Variants in DOCK4 observed in about 807,000 individuals in gnomAD.
DOCK4 encodes the protein dedicator of cytokinesis 4, also known as dedicator of cytokinesis protein 4.
DOCK4 carries 97 observed loss-of-function variants against 268.1 expected under a neutral mutation model. That is an observed-to-expected ratio of 0.36 (90% CI 0.31 to 0.43). DOCK4 has a LOEUF of 0.43. Ranked by LOEUF, DOCK4 falls within the 20% of genes least tolerant of loss-of-function variation. DOCK4 has a pLI of 1.00. For synonymous variants in DOCK4, 954 were observed against 887.2 expected, an observed-to-expected ratio of 1.08 and a Z score of -1.34; for missense variants, 2,145 against 2,455.7, an observed-to-expected ratio of 0.87 and a Z score of 2.67.
intron 1 of DOCK4, among the ~76,000 whole-genome samples, chr7:112,111,528 T>C (rs1197436199): frequency 6.6e-6 from 1 of 152,028 alleles, no homozygotes; most frequent in East Asian, 1.9e-4. Flanking sequence ...TCTTTTGTTA[T>C]CTTGCCATTT....
chr7:111,875,498 G>T (rs1806778919), intron 17 of DOCK4, among the ~76,000 whole-genome samples: 2 of 152,116 alleles, frequency 1.3e-5, no homozygotes, highest in South Asian at 4.1e-4. Context: ...GAATTAGGAG[G>T]GATTATGTTT....
At chr7:111,863,125 AGT>A in intron 23 of DOCK4, 1 of 469,920 alleles carries the variant, frequency 2.1e-6, no homozygotes, top group Non-Finnish European at 3.8e-6. Context: ...TCTCTGAAGG[AGT>A]GTTAAATCCC....
chr7:111,873,435 C>A (rs183313240), intron 17 of DOCK4, among the ~76,000 whole-genome samples: 3 of 152,314 alleles, frequency 2.0e-5, no homozygotes, highest in Non-Finnish European at 2.9e-5. Flanking sequence ...GTGCCGAGCA[C>A]GCGCAGGGCA....
chr7:111,863,443 T>C lies in DOCK4; in HGVS notation c.2402A>G (p.Asp801Gly), dbSNP rs747921417. The C allele has an allele frequency of 8.7e-6, 14 of 1,613,926 alleles. No homozygotes were observed. In the South Asian group the frequency reaches 1.4e-4, roughly 16 times the overall value. ...LGSLPTILHV[D>G]DSLQAIKLQC... ...CAGTTTGATGGCCTGCAGGGAATCA[T>C]CCACATGCAGGATGGTCGGCAGACT... The change falls in exon 23 of 53, where the codon GAT becomes GGT. Residue 801 changes from aspartate to glycine, a missense_variant. Asp to Gly is a moderately conservative substitution (Grantham distance 94). This residue lies in a region of DOCK4 where 1,598 missense variants were observed against 1,986.7 expected (regional missense o/e 0.80). Coordinates refer to ENST00000428084, the MANE Select transcript of DOCK4 (RefSeq NM_001363540.2).
intron 17 of DOCK4, among the ~76,000 whole-genome samples, chr7:111,872,769 A>G (rs1037277341): frequency 6.6e-6 from 1 of 152,104 alleles, no homozygotes; most frequent in Non-Finnish European, 1.5e-5. Flanking sequence ...ACTGCTCTTG[A>G]CTTACAAACT....
intron 1 of DOCK4, 117 bp downstream of exon 1, chr7:112,205,985 G>A: frequency 6.0e-6 from 7 of 1,170,210 alleles, no homozygotes; most frequent in Admixed American, 2.0e-5. Context: ...CCAGCTGCGC[G>A]ATGCCAGGAT....
intron 1 of DOCK4, among the ~76,000 whole-genome samples, chr7:112,186,430 C>T (rs889330584): frequency 2.0e-5 from 3 of 152,150 alleles, no homozygotes; most frequent in African/African-American, 7.2e-5. Context: ...GGTTCTAGAA[C>T]ATTTCTGTTC....
chr7:111,901,812 A>G lies in DOCK4; in HGVS notation c.1193-11T>C, dbSNP rs1725733101. 1 of 1,531,022 alleles carries G rather than the reference A, an allele frequency of 6.5e-7. No individual in the cohort carries two copies. The highest frequency in any genetic ancestry group is 8.9e-7 in the Non-Finnish European group (1 of 1,118,964). 94.8% of individuals were successfully genotyped at this position (1,531,022 alleles called of 1,614,324 possible). A position where few individuals can be genotyped will look rare whatever the true frequency, so the allele number is the denominator to read the frequency against. On this transcript the variant is annotated splice_polypyrimidine_tract_variant and intron_variant, in intron 13 of 52. Transcript: ENST00000428084. ...CATTCCTCATTTCACCTATAAGGAA[A>G]GGAAAATTAAAACCATGTTATATAT...
intron 8 of DOCK4, among the ~76,000 whole-genome samples, chr7:111,947,469 T>C (rs970414377): frequency 6.6e-6 from 1 of 152,188 alleles, no homozygotes; most frequent in African/African-American, 2.4e-5. Context: ...TTATTACCTA[T>C]ATTTTTTCCC....
chr7:111,821,702 T>C (rs1052661496), intron 27 of DOCK4: 50 of 152,370 alleles, frequency 3.3e-4, no homozygotes, highest in African/African-American at 1.2e-3. Context: ...GTTCTGAAGT[T>C]TCCTCGGGGC....
At chr7:111,834,265 A>G (rs1427174095) in intron 26 of DOCK4, among the ~76,000 whole-genome samples, 1 of 152,194 alleles carries the variant, frequency 6.6e-6, no homozygotes, top group African/African-American at 2.4e-5. Flanking sequence ...TATTAAGGCA[A>G]TGTTTCTAGG....
chr7:112,165,297 C>T (rs1817490534), intron 1 of DOCK4, among the ~76,000 whole-genome samples: 1 of 152,092 alleles, frequency 6.6e-6, no homozygotes, highest in East Asian at 1.9e-4. Flanking sequence ...ACCTACTTCT[C>T]TGCATCCTCC....
chr7:112,137,473 A>T (rs1043019446), intron 1 of DOCK4, among the ~76,000 whole-genome samples: 1 of 152,170 alleles, frequency 6.6e-6, no homozygotes. Flanking sequence ...ACAGGACAAC[A>T]TTTTTCCATC....
At chr7:111,836,698 A>C (rs1171308590) in intron 25 of DOCK4, among the ~76,000 whole-genome samples, 1 of 152,168 alleles carries the variant, frequency 6.6e-6, no homozygotes. Flanking sequence ...AAAGAGCCCA[A>C]ATTAAACTTC....
At chr7:111,797,258 G>T (rs550928472) in intron 30 of DOCK4, among the ~76,000 whole-genome samples, 1 of 152,090 alleles carries the variant, frequency 6.6e-6, no homozygotes, top group South Asian at 2.1e-4. Context: ...CAGGGAAAAA[G>T]TTCCCCAAAA....
intron 1 of DOCK4, among the ~76,000 whole-genome samples, chr7:112,065,836 T>G (rs1244712391): frequency 6.6e-6 from 1 of 152,056 alleles, no homozygotes; most frequent in Non-Finnish European, 1.5e-5. Context: ...ATGGAATTAT[T>G]AAGGAGGAGT....
intron 38 of DOCK4, among the ~76,000 whole-genome samples, chr7:111,766,336 G>A (rs1166128461): frequency 6.6e-6 from 1 of 151,974 alleles, no homozygotes; most frequent in East Asian, 1.9e-4. Flanking sequence ...AGGCAATATT[G>A]TACTCTTTTT....
chr7:112,049,220 A>G (rs1805131486), intron 1 of DOCK4, among the ~76,000 whole-genome samples: 1 of 152,212 alleles, frequency 6.6e-6, no homozygotes, highest in African/African-American at 2.4e-5. Flanking sequence ...TATAACTTAT[A>G]TAAATACAGT....
Position 111,872,286 on chromosome 7 carries a change from T to C in DOCK4, c.1909A>G (p.Lys637Glu), listed in dbSNP as rs1051475390. Reference sequence around the variant, plus strand: ...GAACTTACCAAAGAATCAAACACTTTAGACCCATATTTTTGGGAATTTTCA... The same window carrying C: ...GAACTTACCAAAGAATCAAACACTTCAGACCCATATTTTTGGGAATTTTCA... Reference protein sequence around the residue: ...LDENSQKYGSKVFDSLVHIIN... With the variant: ...LDENSQKYGSEVFDSLVHIIN... Residue 637 changes from lysine (K) to glutamate (E), a missense_variant, in exon 19 of 53, where the codon AAA (lysine) becomes GAA (glutamate). Lys to Glu is a moderately conservative substitution (Grantham distance 56). Transcript: ENST00000428084. 1.3e-6 allele frequency: 2 copies of C among 1,556,800 alleles called. No individual in the cohort carries two copies. Among genetic ancestry groups the C allele is most frequent in the Non-Finnish European group, 1.7e-6 (2 of 1,149,642 alleles).
Sources: allele counts gnomAD v4.1 joint callset (sites outside exome capture counted in the v4.1 genomes callset), GRCh38; gene constraint gnomAD v4.1.1; regional missense constraint gnomAD v4.1.1; transcripts MANE v1.5; gene names NCBI Gene and HGNC (gene_info 2026-07-23, HGNC 2026-07-21).